Variants in PDE10A observed in about 807,000 individuals in gnomAD.
PDE10A encodes the protein cAMP and cAMP-inhibited cGMP 3',5'-cyclic phosphodiesterase 10A.
Under a neutral mutation model 97.7 loss-of-function variants are expected in PDE10A, and 39 were observed. That is an observed-to-expected ratio of 0.40 (90% CI 0.31 to 0.52). The LOEUF (loss-of-function observed/expected upper bound fraction) is 0.52, where lower values mean the gene tolerates loss of function less well. PDE10A is among the 20% of genes least tolerant of loss of function. The probability of loss-of-function intolerance (pLI) is 0.56; values close to 1 mark genes in which losing one functional copy is unlikely to be tolerated. For synonymous variants in PDE10A, 371 were observed against 376.8 expected, an observed-to-expected ratio of 0.98 and a Z score of 0.18; for missense variants, 731 against 1,047.8, an observed-to-expected ratio of 0.70 and a Z score of 4.17.
intron 1 of PDE10A, among the ~76,000 whole-genome samples, chr6:165,965,405 G>A (rs1233131556): frequency 6.6e-6 from 1 of 152,170 alleles, no homozygotes; most frequent in Non-Finnish European, 1.5e-5. Context: ...ATCAGGGGTA[G>A]TGGCAGGTGT....
chr6:165,674,552 G>A (rs1790742055), intron 1 of PDE10A, among the ~76,000 whole-genome samples: 1 of 152,162 alleles, frequency 6.6e-6, no homozygotes, highest in Admixed American at 6.5e-5. Context: ...GCCAACGACT[G>A]GCTCCTGGTG....
rs775508703 is a variant in PDE10A, at chr6:165,413,605, C to A, written c.1972G>T (p.Val658Leu). The change falls in exon 13 of 22, where the codon GTG becomes TTG. Residue 658 changes from valine to leucine, a missense_variant. Physicochemically the swap from Val to Leu is conservative, Grantham distance 32. Around this residue, in one of 8 missense-constraint regions of PDE10A, gnomAD observed 108 missense variants for 199.8 expected, o/e 0.54. Coordinates refer to ENST00000539869, the MANE Select transcript of PDE10A (RefSeq NM_001385079.1). The part of the protein sequence containing the change: ...IVSRGSVIGV[V>L]QMVNKISGSA... ...CCACTGATTTTGTTGACCATCTGCA[C>A]CACACCTATCACGCTGCCTCGGCTG... The A allele has an allele frequency of 6.2e-7, 1 of 1,614,132 alleles. No homozygotes were observed. Among genetic ancestry groups the A allele is most frequent in the South Asian group, 1.1e-5 (1 of 91,082 alleles).
In PDE10A at chr6:165,428,669, C is replaced by A; in HGVS notation, c.1642G>T (p.Glu548Ter). The A allele has an allele frequency of 7.4e-7, 1 of 1,344,994 alleles. No homozygotes were observed. Among genetic ancestry groups the A allele is most frequent in the South Asian group, 1.3e-5 (1 of 79,408 alleles). The allele number at this position is 1,344,994 out of a possible 1,614,324, so 83.3% of individuals were successfully genotyped here. A position where few individuals can be genotyped will look rare whatever the true frequency, so the allele number is the denominator to read the frequency against. Reference protein sequence around the residue: ...DNIVAIDSLLEHIMIYAKNLV... With the variant: ...DNIVAIDSLL ...CAAAAACAACCTACCATTATGTGTTCAAGTAGAGAATCTATTGCAACTATG... is the reference window on the plus strand; with the variant it reads ...CAAAAACAACCTACCATTATGTGTTAAAGTAGAGAATCTATTGCAACTATG... The change falls in exon 10 of 22, where the codon GAA becomes TAA. Residue 548 changes from glutamate to a stop codon, truncating the protein, a stop_gained. Transcript: ENST00000539869. LOFTEE classifies it high-confidence loss of function.
At chr6:165,752,398 G>T (rs1002144828) in intron 1 of PDE10A, among the ~76,000 whole-genome samples, 11 of 152,120 alleles carry the variant, frequency 7.2e-5, no homozygotes, top group African/African-American at 2.4e-4. Context: ...TGAGGATCCC[G>T]GGACCATGTG....
chr6:165,799,895 G>A (rs1437989419), intron 1 of PDE10A, among the ~76,000 whole-genome samples: 1 of 152,178 alleles, frequency 6.6e-6, no homozygotes, highest in Non-Finnish European at 1.5e-5. Context: ...CTTGGCCCAC[G>A]CTTTCTGCAG....
intron 1 of PDE10A, among the ~76,000 whole-genome samples, chr6:165,942,078 T>C (rs988534305): frequency 6.6e-6 from 1 of 152,142 alleles, no homozygotes; most frequent in Non-Finnish European, 1.5e-5. Flanking sequence ...TCAGGCATGA[T>C]TGGCAAGCAA....
intron 1 of PDE10A, among the ~76,000 whole-genome samples, chr6:165,870,530 T>A (rs148821526): frequency 6.6e-6 from 1 of 152,112 alleles, no homozygotes; most frequent in Non-Finnish European, 1.5e-5. Flanking sequence ...TACAACCATA[T>A]AGAAAACAAT....
Position 165,474,508 on chromosome 6 carries a change from T to C in PDE10A, c.1023+7807A>G, listed in dbSNP as rs113013784. ...GTTCGAATTTGTAGTAAAAACATTT[T>C]GAAGGAAAAATTTGAGTAACTACCA... is the stretch of plus-strand genomic sequence containing the variant. On this transcript the variant is annotated intron_variant, in intron 3 of 21. Coordinates refer to ENST00000539869, the MANE Select transcript of PDE10A (RefSeq NM_001385079.1). 9.7e-4 allele frequency among the ~76,000 whole-genome samples: 148 copies of C among 152,314 alleles called. 1 individual carries two copies. Among genetic ancestry groups the C allele is most frequent in the African/African-American group, 3.4e-3 (141 of 41,576 alleles).
intron 1 of PDE10A, among the ~76,000 whole-genome samples, chr6:165,743,419 T>C (rs1016658752): frequency 6.6e-6 from 1 of 152,230 alleles, no homozygotes; most frequent in Non-Finnish European, 1.5e-5. Flanking sequence ...GTCACTGTTT[T>C]TTAATGTCGA....
chr6:165,882,298 C>T (rs1232354635), intron 1 of PDE10A, among the ~76,000 whole-genome samples: 1 of 152,210 alleles, frequency 6.6e-6, no homozygotes, highest in African/African-American at 2.4e-5. Flanking sequence ...TCCCCAAGGA[C>T]ATCTCTGTAC....
chr6:165,522,186 A>G (rs1487338544), intron 2 of PDE10A, among the ~76,000 whole-genome samples: 2 of 152,162 alleles, frequency 1.3e-5, no homozygotes, highest in Non-Finnish European at 2.9e-5. Context: ...GGTCCTGTGT[A>G]TGTGAATACA....
chr6:165,946,365 T>G (rs1172860616), intron 1 of PDE10A, among the ~76,000 whole-genome samples: 2 of 151,980 alleles, frequency 1.3e-5, no homozygotes, highest in Admixed American at 1.3e-4. Flanking sequence ...TGTGCTGGCA[T>G]GCGCCTGTAG....
At chr6:165,943,579 C>A (rs1178253549) in intron 1 of PDE10A, among the ~76,000 whole-genome samples, 1 of 152,178 alleles carries the variant, frequency 6.6e-6, no homozygotes, top group African/African-American at 2.4e-5. Context: ...CCTGGAGAAC[C>A]TGGTGTTCCA....
intron 1 of PDE10A, among the ~76,000 whole-genome samples, chr6:165,596,211 G>T (rs971866640): frequency 6.6e-6 from 1 of 152,138 alleles, no homozygotes; most frequent in African/African-American, 2.4e-5. Flanking sequence ...TAATCCATCA[G>T]GAAATACTGT....
chr6:165,783,994 T>G (rs1583083326), intron 1 of PDE10A, among the ~76,000 whole-genome samples: 1 of 152,002 alleles, frequency 6.6e-6, no homozygotes, highest in South Asian at 2.1e-4. Flanking sequence ...CCAAGGCAGG[T>G]GGATCACGAG....
At chr6:165,753,013 A>G (rs1793042950) in intron 1 of PDE10A, among the ~76,000 whole-genome samples, 1 of 152,218 alleles carries the variant, frequency 6.6e-6, no homozygotes, top group African/African-American at 2.4e-5. Context: ...TGCTGCATCT[A>G]TGCATACACA....
At chr6:165,668,826 G>C (rs925946172) in intron 1 of PDE10A, among the ~76,000 whole-genome samples, 2 of 151,098 alleles carry the variant, frequency 1.3e-5, no homozygotes, top group Non-Finnish European at 3.0e-5. Flanking sequence ...AGGGAGGGAG[G>C]GTTCTTTCAC....
chr6:165,625,797 G>T (rs565422276), intron 1 of PDE10A, among the ~76,000 whole-genome samples: 10 of 152,316 alleles, frequency 6.6e-5, no homozygotes, highest in South Asian at 4.1e-4. Flanking sequence ...TGTGAGTCCA[G>T]TAAACCTCTT....
chr6:165,963,798 G>T (rs941108553), intron 1 of PDE10A, among the ~76,000 whole-genome samples: 4 of 152,206 alleles, frequency 2.6e-5, no homozygotes, highest in Admixed American at 6.5e-5. Flanking sequence ...CACTCAGGCT[G>T]TGCTGTGCCT....
Sources: allele counts gnomAD v4.1 joint callset (sites outside exome capture counted in the v4.1 genomes callset), GRCh38; gene constraint gnomAD v4.1.1; regional missense constraint gnomAD v4.1.1; transcripts MANE v1.5; gene names NCBI Gene and HGNC (gene_info 2026-07-23, HGNC 2026-07-21).